KCNH7: variants seen among roughly 807,000 people sequenced by gnomAD.
KCNH7 encodes potassium voltage-gated channel subfamily H member 7.
A neutral mutation model predicts 120.8 loss-of-function variants in KCNH7; 49 were observed. The observed-to-expected ratio is 0.41, with a 90% confidence interval of 0.32 to 0.51. KCNH7 has a LOEUF of 0.51. Ranked by LOEUF, KCNH7 falls within the 20% of genes least tolerant of loss-of-function variation. The probability of loss-of-function intolerance (pLI) is 0.38; values close to 1 mark genes in which losing one functional copy is unlikely to be tolerated. For missense variants in KCNH7, 1,097 were observed against 1,446.6 expected, an observed-to-expected ratio of 0.76 and a Z score of 3.92; for synonymous variants, 547 against 516.1, an observed-to-expected ratio of 1.06 and a Z score of -0.81.
chr2:162,639,020 C>T (rs1308279419), intron 2 of KCNH7, among the ~76,000 whole-genome samples: 1 of 152,106 alleles, frequency 6.6e-6, no homozygotes, highest in Non-Finnish European at 1.5e-5. Flanking sequence ...ATGCCTAGCA[C>T]AATCCTTGGC....
intron 8 of KCNH7, among the ~76,000 whole-genome samples, chr2:162,427,136 C>T (rs1296314697): frequency 6.6e-6 from 1 of 151,822 alleles, no homozygotes; most frequent in Non-Finnish European, 1.5e-5. Context: ...TGATGGAAAC[C>T]TTGCTGTTTC....
At chr2:162,651,334 A>T (rs1684558295) in intron 2 of KCNH7, among the ~76,000 whole-genome samples, 1 of 152,068 alleles carries the variant, frequency 6.6e-6, no homozygotes, top group South Asian at 2.1e-4. Flanking sequence ...CCAATACCCA[A>T]TAGTTATCTT....
intron 9 of KCNH7, among the ~76,000 whole-genome samples, chr2:162,415,535 A>G (rs756779564): frequency 1.3e-5 from 2 of 152,164 alleles, no homozygotes; most frequent in African/African-American, 2.4e-5. Flanking sequence ...TTGATAATTT[A>G]CAATGATTCT....
At chr2:162,481,996 AATCT>A (rs531668160) in intron 6 of KCNH7, among the ~76,000 whole-genome samples, 11 of 133,678 alleles carry the variant, frequency 8.2e-5, no homozygotes, top group East Asian at 3.9e-4. Context: ...ATCTATCATC[AATCT>A]ATCTATTATC....
intron 2 of KCNH7, among the ~76,000 whole-genome samples, chr2:162,579,428 T>C (rs1374562172): frequency 1.3e-5 from 2 of 152,072 alleles, no homozygotes; most frequent in African/African-American, 4.8e-5. Flanking sequence ...TGTAATCACT[T>C]TTCCAAGGAG....
intron 14 of KCNH7, among the ~76,000 whole-genome samples, chr2:162,378,223 C>G (rs1487494643): frequency 6.6e-6 from 1 of 152,164 alleles, no homozygotes; most frequent in Non-Finnish European, 1.5e-5. Context: ...TTAGTCCTTA[C>G]AGTAGCATCA....
intron 12 of KCNH7, among the ~76,000 whole-genome samples, chr2:162,391,578 A>G (rs1454975168): frequency 6.6e-6 from 1 of 152,074 alleles, no homozygotes; most frequent in Admixed American, 6.6e-5. Context: ...CTTTATACGA[A>G]TTTGATCTCA....
intron 2 of KCNH7, among the ~76,000 whole-genome samples, chr2:162,639,076 C>T (rs546971826): frequency 5.3e-5 from 8 of 152,170 alleles, no homozygotes; most frequent in African/African-American, 1.2e-4. Flanking sequence ...TACCACCAGC[C>T]GTGGCAACCA....
At chr2:162,378,476 T>C (rs1176839587) in intron 14 of KCNH7, among the ~76,000 whole-genome samples, 1 of 152,204 alleles carries the variant, frequency 6.6e-6, no homozygotes, top group East Asian at 1.9e-4. Context: ...AAATAGTGAA[T>C]AAATCAGTAG....
intron 2 of KCNH7, among the ~76,000 whole-genome samples, chr2:162,701,746 C>T (rs1252905691): frequency 7.9e-5 from 12 of 152,124 alleles, no homozygotes; most frequent in African/African-American, 2.2e-4. Flanking sequence ...CAGTGGCTCA[C>T]GCCTGTCATC....
chr2:162,485,359 C>T (rs1690059576), intron 6 of KCNH7, among the ~76,000 whole-genome samples: 1 of 152,104 alleles, frequency 6.6e-6, no homozygotes, highest in African/African-American at 2.4e-5. Context: ...TAATCTTTCT[C>T]TTTTTAATAC....
chr2:162,464,151 G>A (rs1689237461), intron 6 of KCNH7, among the ~76,000 whole-genome samples: 1 of 151,896 alleles, frequency 6.6e-6, no homozygotes, highest in South Asian at 2.1e-4. Flanking sequence ...AAATAAATAT[G>A]GCATTCTTGC....
chr2:162,540,497 A>AGAT (rs1216864603), intron 2 of KCNH7, among the ~76,000 whole-genome samples: 1 of 152,134 alleles, frequency 6.6e-6, no homozygotes, highest in Non-Finnish European at 1.5e-5. Context: ...TTTTACAATA[A>AGAT]GATGATGGGA....
intron 2 of KCNH7, among the ~76,000 whole-genome samples, chr2:162,829,285 A>G (rs1288904752): frequency 6.6e-6 from 1 of 152,216 alleles, no homozygotes; most frequent in African/African-American, 2.4e-5. Context: ...CTTGGCAATT[A>G]TAATAATTAA....
intron 2 of KCNH7, among the ~76,000 whole-genome samples, chr2:162,577,445 T>A (rs942523983): frequency 6.6e-6 from 1 of 151,530 alleles, no homozygotes; most frequent in African/African-American, 2.4e-5. Context: ...ATCAAGGAAA[T>A]CATCTATTGA....
intron 2 of KCNH7, among the ~76,000 whole-genome samples, chr2:162,602,490 A>G (rs1445354090): frequency 6.6e-6 from 1 of 152,034 alleles, no homozygotes; most frequent in African/African-American, 2.4e-5. Flanking sequence ...TTTCTCACTC[A>G]CTGAAATTGA....
chr2:162,440,656 A>AGACCTCAC (rs536144979), intron 7 of KCNH7, among the ~76,000 whole-genome samples: 37 of 152,230 alleles, frequency 2.4e-4, no homozygotes, highest in Middle Eastern at 3.4e-3. Context: ...TATTTATATC[A>AGACCTCAC]GACCTCACAA....
intron 2 of KCNH7, among the ~76,000 whole-genome samples, chr2:162,643,843 A>T (rs1017424309): frequency 6.6e-6 from 1 of 151,784 alleles, no homozygotes; most frequent in Admixed American, 6.6e-5. Flanking sequence ...AAAAGAAAAA[A>T]GAAAAATGAT....
chr2:162,397,018 G>A, intron 10 of KCNH7, 73 bp from the exon 11 acceptor site: 1 of 1,010,412 alleles, frequency 9.9e-7, no homozygotes, highest in Non-Finnish European at 1.5e-6. Flanking sequence ...AAAGTAGAAG[G>A]GGGTCATTAA....
Sources: gnomAD v4.1 joint callset for allele counts (sites outside exome capture counted in the v4.1 genomes callset) on GRCh38, gnomAD v4.1.1 for gene constraint, MANE v1.5 for transcripts, NCBI Gene and HGNC (gene_info 2026-07-23, HGNC 2026-07-21) for gene names.